Variants in RGS3 observed in about 807,000 individuals in gnomAD.
RGS3 encodes the protein regulator of G protein signaling 3.
Under a neutral mutation model 132.6 loss-of-function variants are expected in RGS3, and 80 were observed. The observed-to-expected ratio is 0.60, with a 90% CI of 0.50 to 0.73. RGS3 has a LOEUF of 0.73. Ranked by LOEUF, RGS3 falls within the 30% of genes least tolerant of loss-of-function variation. RGS3 has a pLI of 0.00. For missense variants in RGS3, 1,382 were observed against 1,530.8 expected (o/e 0.90, Z 1.62); for synonymous variants, 598 against 620.6 (o/e 0.96, Z 0.54).
At chr9:113,505,118 T>C in intron 10 of RGS3, 1 of 369,884 alleles carries the variant, frequency 2.7e-6, no homozygotes, top group South Asian at 3.5e-5. Context: ...GCAGTGCTGG[T>C]GGGCCCTTGG....
At chr9:113,559,294 G>A (rs2118801784) in intron 19 of RGS3, among the ~76,000 whole-genome samples, 1 of 152,384 alleles carries the variant, frequency 6.6e-6, no homozygotes, top group Non-Finnish European at 1.5e-5. Flanking sequence ...AAAGCCCGAA[G>A]TCTCCGGCCA....
chr9:113,544,910 T>TG (rs1390027991), intron 19 of RGS3, among the ~76,000 whole-genome samples: 1 of 152,192 alleles, frequency 6.6e-6, no homozygotes, highest in African/African-American at 2.4e-5. Context: ...TCAGAAGCTG[T>TG]GGCCCATCAA....
chr9:113,461,832 A>G lies in RGS3; in HGVS notation c.206A>G (p.Tyr69Cys). 3 of 1,614,078 alleles carry G rather than the reference A, an allele frequency of 1.9e-6. No homozygotes were observed. The South Asian group carries it at 3.3e-5, about 18-fold the overall frequency. ...AGTCTCCCCTTTGGGAGGAGGCTCT[A>G]CAGTGGTCCCTGGCGAAGTTGTGAA... The change falls in exon 2 of 25, where the codon TAC becomes TGC. Residue 69 changes from tyrosine to cysteine, a missense_variant. Transcript: ENST00000350696.
chr9:113,595,072 C>G (rs1478401888), intron 23 of RGS3, 92 bp downstream of exon 21: 1 of 1,213,400 alleles, frequency 8.2e-7, no homozygotes, highest in Non-Finnish European at 1.2e-6. Context: ...CTAGAGAGGC[C>G]GCCTTCCCTC....
intron 10 of RGS3, among the ~76,000 whole-genome samples, chr9:113,500,915 C>A (rs1222735666): frequency 1.3e-5 from 2 of 152,150 alleles, no homozygotes; most frequent in African/African-American, 4.8e-5. Context: ...GTCTTGAACT[C>A]CTGACCCCAA....
chr9:113,541,356 G>T lies in RGS3; in HGVS notation c.2037+4438G>T, dbSNP rs780890069. The T allele has an allele frequency of 3.1e-6, 5 of 1,613,712 alleles. No individual in the cohort carries two copies. The East Asian group carries it at 1.1e-4, about 36-fold the overall frequency. On this transcript the variant is annotated intron_variant, in intron 19 of 24. Transcript: ENST00000350696. ...TTTCGGCTCTCTCCAGCAGGAGATG[G>T]GGCCGGTCAACTCAACCAATGCCAC...
chr9:113,456,247 G>A (rs937619813), upstream of RGS3, among the ~76,000 whole-genome samples: 1 of 152,084 alleles, frequency 6.6e-6, no homozygotes, highest in Non-Finnish European at 1.5e-5. Flanking sequence ...GGCCTCACAG[G>A]GAATTCCTAA....
At chr9:113,573,245 A>T (rs1038059510) in intron 19 of RGS3, among the ~76,000 whole-genome samples, 8 of 152,202 alleles carry the variant, frequency 5.3e-5, no homozygotes, top group Non-Finnish European at 8.8e-5. Flanking sequence ...CATCAGCAAT[A>T]GGCTTCCCTC....
At position 113,596,289 on chromosome 9, in the gene RGS3, G is replaced by A. The variant is rs574806182; in HGVS notation, c.3412-479G>A. On this transcript the variant is annotated intron_variant, in intron 24 of 24. Coordinates refer to ENST00000350696, the Ensembl canonical transcript of RGS3. ...GCGGAGGTTGCAGTGAGCCGAGATC[G>A]CACCACTGCACTCCAGCCTGAGTGA... is the stretch of plus-strand genomic sequence containing the variant. Among the ~76,000 whole-genome samples, 7 of 152,310 alleles carry A rather than the reference G, an allele frequency of 4.6e-5. No individual in the cohort carries two copies. The South Asian group carries it at 6.2e-4, about 14-fold the overall frequency.
intron 19 of RGS3, among the ~76,000 whole-genome samples, chr9:113,569,856 C>G (rs1457141914): frequency 6.6e-6 from 1 of 152,148 alleles, no homozygotes; most frequent in East Asian, 1.9e-4. Context: ...GGAGCCTCAG[C>G]AAAGCTTCCT....
chr9:113,494,253 A>G lies in RGS3; in HGVS notation c.690-1533A>G, dbSNP rs552825682. Among the ~76,000 whole-genome samples, 4 of 152,188 alleles carry G rather than the reference A, an allele frequency of 2.6e-5. No individual in the cohort carries two copies. The East Asian group carries it at 5.8e-4, about 22-fold the overall frequency. On this transcript the variant is annotated intron_variant, in intron 7 of 24. Transcript: ENST00000350696. ...ATTATAAAAACGATACTTGTTCCCTATGCAAACAGTGAAAACCCATAAAGG... is the reference window on the plus strand; with the variant it reads ...ATTATAAAAACGATACTTGTTCCCTGTGCAAACAGTGAAAACCCATAAAGG...
chr9:113,447,338 T>TATATATATATATATATACAC (rs1231604515), intron 1 of RGS3, among the ~76,000 whole-genome samples: 1 of 84,252 alleles, frequency 1.2e-5, no homozygotes, highest in Non-Finnish European at 2.5e-5. Context: ...TGTATATATA[T>TATATATATATATATATACAC]ATATATATAT....
chr9:113,594,896 G>A (rs766619699), intron 22 of RGS3, 23 bp from the exon 21 acceptor site: 4 of 1,612,656 alleles, frequency 2.5e-6, no homozygotes, highest in Admixed American at 3.3e-5. Flanking sequence ...TGCCCTCACT[G>A]TGTTTCCTCC....
intron 3 of RGS3, among the ~76,000 whole-genome samples, chr9:113,469,179 C>G (rs949175174): frequency 7.9e-5 from 12 of 150,990 alleles, no homozygotes; most frequent in Non-Finnish European, 1.6e-4. Flanking sequence ...GAGAGTGAAG[C>G]TTGGGAACAG....
At chr9:113,527,415 C>G (rs1012175343) in intron 17 of RGS3, among the ~76,000 whole-genome samples, 1 of 152,320 alleles carries the variant, frequency 6.6e-6, no homozygotes, top group Middle Eastern at 3.4e-3. Flanking sequence ...AGTGTGTTCT[C>G]TTAAACAAAA....
In RGS3 at chr9:113,596,636, T is replaced by C. The variant is rs1207633533; in HGVS notation, c.3412-132T>C. 8.5e-6 allele frequency: 6 copies of C among 706,868 alleles called. No individual in the cohort carries two copies. In the Admixed American group the frequency reaches 1.3e-4, roughly 15 times the overall value. The allele number at this position is 706,868 out of a possible 1,614,324, so 43.8% of individuals were successfully genotyped here. A position where few individuals can be genotyped will look rare whatever the true frequency, so the allele number is the denominator to read the frequency against. Reference sequence around the variant, plus strand: ...AATCCTCTGGTCTGAGGGTCTCTACTTCAGATGAACCTTAAGATGTGGGGC... The same window carrying C: ...AATCCTCTGGTCTGAGGGTCTCTACCTCAGATGAACCTTAAGATGTGGGGC... On this transcript the variant is annotated intron_variant, in intron 24 of 24. Coordinates refer to ENST00000350696, the Ensembl canonical transcript of RGS3.
chr9:113,492,802 A>G (rs2119262682), intron 7 of RGS3, among the ~76,000 whole-genome samples: 1 of 152,350 alleles, frequency 6.6e-6, no homozygotes, highest in East Asian at 1.9e-4. Context: ...GAACACTTAG[A>G]GAGAGGTTCC....
rs148212969 is a variant in RGS3 at position 113,506,508 on chromosome 9, C to G, written c.1085+15C>G. 1.3e-4 allele frequency: 205 copies of G among 1,554,398 alleles called. 1 individual carries two copies. The African/African-American group carries it at 1.6e-3, about 12-fold the overall frequency. ...CACGAGATCCGGTGACAGGGGACAGCGGGTGGCCTGGGGCCTCAGGCTGAT... is the reference window on the plus strand; with the variant it reads ...CACGAGATCCGGTGACAGGGGACAGGGGGTGGCCTGGGGCCTCAGGCTGAT... On this transcript the variant is annotated intron_variant, in intron 12 of 24. Transcript: ENST00000350696. This position sits in a 1 kb window ranked among gnomAD's most constrained non-coding sequence, Gnocchi z 4.7.
chr9:113,498,536 A>G (rs1345070820), intron 10 of RGS3, among the ~76,000 whole-genome samples: 1 of 152,194 alleles, frequency 6.6e-6, no homozygotes, highest in Non-Finnish European at 1.5e-5. Context: ...TTTTCATATA[A>G]GGAGTTGGGA....
Sources: gnomAD v4.1 joint callset for allele counts (sites outside exome capture counted in the v4.1 genomes callset) on GRCh38, gnomAD v4.1.1 for gene constraint, Gnocchi (gnomAD v3.1) non-coding constraint, MANE v1.5 for transcripts, NCBI Gene and HGNC (gene_info 2026-07-23, HGNC 2026-07-21) for gene names.